Variants in ITPR1 observed in about 807,000 individuals in gnomAD.
The protein encoded by ITPR1 is inositol 1,4,5-trisphosphate-gated calcium channel ITPR1.
Under a neutral mutation model 318.4 loss-of-function variants are expected in ITPR1, and 96 were observed. That is an observed-to-expected ratio of 0.30 (90% confidence interval 0.26 to 0.36). ITPR1 has a LOEUF of 0.36. Ranked by LOEUF, ITPR1 falls within the 10% of genes least tolerant of loss-of-function variation. The pLI is 1.00. For missense variants in ITPR1, 2,440 were observed against 3,460.2 expected, an observed-to-expected ratio of 0.71 and a Z score of 7.40; for synonymous variants, 1,312 against 1,289.9, an observed-to-expected ratio of 1.02 and a Z score of -0.37.
At chr3:4,619,583 TTCCCCTGCCC>T (rs1165021326) in intron 4 of ITPR1, among the ~76,000 whole-genome samples, 1 of 30,022 alleles carries the variant, frequency 3.3e-5, no homozygotes, top group African/African-American at 1.8e-4. Flanking sequence ...CCCTTCCCCC[TTCCCCTGCCC>T]TCCCCTGCTC....
intron 52 of ITPR1, among the ~76,000 whole-genome samples, chr3:4,789,081 G>A (rs1046505620): frequency 2.0e-5 from 3 of 152,132 alleles, no homozygotes; most frequent in Non-Finnish European, 4.4e-5. Flanking sequence ...ATAAGGTGGT[G>A]CAAGAAGGTT....
intron 4 of ITPR1, among the ~76,000 whole-genome samples, chr3:4,569,231 C>T (rs183438178): frequency 5.3e-5 from 8 of 152,174 alleles, no homozygotes; most frequent in Non-Finnish European, 1.0e-4. Context: ...AAAGTGACAT[C>T]ATTAAATTTG....
intron 52 of ITPR1, among the ~76,000 whole-genome samples, chr3:4,794,787 TATGCAGGGTTTATAG>T (rs1347361343): frequency 3.9e-5 from 6 of 152,184 alleles, no homozygotes; most frequent in Non-Finnish European, 8.8e-5. Context: ...GCGGCTGGGG[TATGCAGGGTTTATAG>T]ATGCTCCAAC....
At chr3:4,589,358 CT>C (rs1479759168) in intron 4 of ITPR1, among the ~76,000 whole-genome samples, 1 of 152,140 alleles carries the variant, frequency 6.6e-6, no homozygotes, top group African/African-American at 2.4e-5. Flanking sequence ...CAGTCGTGAT[CT>C]GCAGCTTGAA....
chr3:4,715,549 G>A (rs1445654567), intron 39 of ITPR1, among the ~76,000 whole-genome samples: 3 of 152,194 alleles, frequency 2.0e-5, no homozygotes, highest in Non-Finnish European at 4.4e-5. Context: ...CCCCCAAGAA[G>A]TGCCTGTTCA....
At chr3:4,698,036 G>T (rs1388844415) in intron 34 of ITPR1, among the ~76,000 whole-genome samples, 2 of 152,114 alleles carry the variant, frequency 1.3e-5, no homozygotes, top group African/African-American at 4.8e-5. Context: ...CTCAAGAGTG[G>T]CCTTAAGATA....
chr3:4,591,164 T>G (rs2090369684), intron 4 of ITPR1, among the ~76,000 whole-genome samples: 1 of 152,252 alleles, frequency 6.6e-6, no homozygotes, highest in African/African-American at 2.4e-5. Context: ...CCTTTGCTAT[T>G]GTGAATAGTG....
At chr3:4,744,610 G>C (rs567732363) in intron 44 of ITPR1, among the ~76,000 whole-genome samples, 2 of 152,314 alleles carry the variant, frequency 1.3e-5, no homozygotes, top group Admixed American at 6.5e-5. Context: ...GACCCTCAGC[G>C]TGTGAAATGT....
intron 4 of ITPR1, among the ~76,000 whole-genome samples, chr3:4,550,848 T>C (rs2124998161): frequency 1.3e-5 from 2 of 151,882 alleles, no homozygotes; most frequent in Middle Eastern, 6.8e-3. Flanking sequence ...ATCATGCTAC[T>C]GTACTCCAGC....
At chr3:4,590,174 C>CTTTTTTTTT (rs10713337) in intron 4 of ITPR1, among the ~76,000 whole-genome samples, 11 of 87,456 alleles carry the variant, frequency 1.3e-4, no homozygotes, top group African/African-American at 1.8e-4. Flanking sequence ...CTTCGTCTTG[C>CTTTTTTTTT]TTTTTTTTTT....
intron 4 of ITPR1, among the ~76,000 whole-genome samples, chr3:4,625,422 G>C (rs1007855836): frequency 6.6e-6 from 1 of 152,084 alleles, no homozygotes; most frequent in Admixed American, 6.5e-5. Flanking sequence ...CCTGTTCAAG[G>C]CACTTTAAGG....
intron 60 of ITPR1, among the ~76,000 whole-genome samples, chr3:4,820,312 C>T (rs1016537939): frequency 1.3e-5 from 2 of 152,216 alleles, no homozygotes; most frequent in African/African-American, 2.4e-5. Context: ...TGTTCCTTCT[C>T]ACCCCTGACT....
At chr3:4,628,869 A>G (rs2092925326) in intron 5 of ITPR1, among the ~76,000 whole-genome samples, 1 of 152,254 alleles carries the variant, frequency 6.6e-6, no homozygotes, top group African/African-American at 2.4e-5. Flanking sequence ...GTGAGCCCCA[A>G]GCACCTCAAG....
intron 26 of ITPR1, among the ~76,000 whole-genome samples, chr3:4,682,459 G>T (rs916784271): frequency 1.3e-5 from 2 of 152,204 alleles, no homozygotes; most frequent in Admixed American, 6.5e-5. Context: ...GTCAGTGTGG[G>T]AGGGGACTAC....
At chr3:4,717,168 G>A (rs574475310) in intron 39 of ITPR1, among the ~76,000 whole-genome samples, 199 bp from the exon 40 acceptor site, 13 of 152,328 alleles carry the variant, frequency 8.5e-5, no homozygotes, top group East Asian at 7.7e-4. Flanking sequence ...TGGCAGCATC[G>A]TGTCCGTTTT....
intron 5 of ITPR1, among the ~76,000 whole-genome samples, chr3:4,630,369 C>T (rs1325346659): frequency 6.6e-6 from 1 of 151,960 alleles, no homozygotes. Flanking sequence ...GTTGAAATCC[C>T]TAAAAATTCA....
chr3:4,744,041 G>T (rs1054107357), intron 44 of ITPR1, among the ~76,000 whole-genome samples: 1 of 152,118 alleles, frequency 6.6e-6, no homozygotes, highest in Non-Finnish European at 1.5e-5. Context: ...TCTACATGTT[G>T]GCCAGGCTGG....
intron 42 of ITPR1, among the ~76,000 whole-genome samples, chr3:4,727,549 C>A (rs149820896): frequency 1.3e-5 from 2 of 152,094 alleles, no homozygotes; most frequent in Admixed American, 1.3e-4. Flanking sequence ...CATTACCTAG[C>A]CACAAGAGCC....
chr3:4,619,206 C>T (rs559278168), intron 4 of ITPR1, among the ~76,000 whole-genome samples: 1 of 152,068 alleles, frequency 6.6e-6, no homozygotes, highest in Non-Finnish European at 1.5e-5. Flanking sequence ...CTCCTTGTCC[C>T]ATTAGTCTGA....
Sources: gnomAD v4.1 joint callset for allele counts (sites outside exome capture counted in the v4.1 genomes callset) on GRCh38, gnomAD v4.1.1 for gene constraint, MANE v1.5 for transcripts, NCBI Gene and HGNC (gene_info 2026-07-23, HGNC 2026-07-21) for gene names.